HTT: variants seen among roughly 807,000 people sequenced by gnomAD.
The protein encoded by HTT is huntingtin, also known as huntington disease protein.
Under a neutral mutation model 362.3 loss-of-function variants are expected in HTT, and 104 were observed. That is an observed-to-expected ratio of 0.29 (90% CI 0.24 to 0.34). The LOEUF (loss-of-function observed/expected upper bound fraction) is 0.34, where lower values mean the gene tolerates loss of function less well. Among genes scored for constraint, HTT ranks in the 10% least tolerant of loss-of-function variants. The pLI is 1.00. For missense variants in HTT, 3,301 were observed against 3,928.6 expected (o/e 0.84, Z 4.27); for synonymous variants, 1,577 against 1,548.7 (o/e 1.02, Z -0.43).
chr4:3,173,087 C>A lies in HTT; in HGVS notation c.4122C>A (p.Ser1374Arg). The A allele has an allele frequency of 6.2e-7, 1 of 1,614,138 alleles. No individual in the cohort carries two copies. The highest frequency in any genetic ancestry group is 2.2e-5 in the East Asian group (1 of 44,886). Residue 1374 changes from serine to arginine, a missense_variant, in exon 31 of 67, where the codon AGC becomes AGA. Coordinates refer to ENST00000355072, the MANE Select transcript of HTT (RefSeq NM_001388492.1). ...TCACCCAGGCCCTCGCTGACGCCAG[C>A]CTGAGGAACATGGTGCAGGCGGAGC... ...THFTQALADA[S>R]LRNMVQAEQE...
At chr4:3,148,570 G>T (rs1046764750) in intron 26 of HTT, among the ~76,000 whole-genome samples, 2 of 152,036 alleles carry the variant, frequency 1.3e-5, no homozygotes, top group African/African-American at 4.8e-5. Flanking sequence ...GGCCGAGGTG[G>T]GCGGATCACG....
chr4:3,228,703 C>T lies in HTT; in HGVS notation c.7937C>T (p.Ala2646Val), dbSNP rs751016951. ...GAGGAAGAGGAGGAGGAGGCCGACG[C>T]CCCTGCACCTTCGTCACCACCCACG... ...WDEEEEEEAD[A>V]PAPSSPPTSP... is the part of the protein sequence containing the mutation. The change falls in exon 58 of 67, where the codon GCC becomes GTC. Residue 2646 changes from alanine to valine, a missense_variant. Ala to Val is a moderately conservative substitution (Grantham distance 64). Coordinates refer to ENST00000355072, the MANE Select transcript of HTT (RefSeq NM_001388492.1). This position sits in a 1 kb window ranked among gnomAD's most constrained non-coding sequence, Gnocchi z 4.3. 6.2e-7 allele frequency: 1 copy of T among 1,609,242 alleles called. No individual in the cohort carries two copies.
rs1560535090 is a variant in HTT at position 3,074,929 on chromosome 4, AGCAGCAACAG to A, written c.105_114del (p.Gln35HisfsTer63). On this transcript the variant is annotated frameshift_variant, in exon 1 of 67. Coordinates refer to ENST00000355072, the MANE Select transcript of HTT (RefSeq NM_001388492.1). LOFTEE classifies it high-confidence loss of function. Reference sequence around the variant, plus strand: ...CAGCAGCAGCAGCAGCAGCAGCAGCAGCAGCAACAGCCGCCACCGCCGCCGCCGCCGCCGC... The same window carrying A: ...CAGCAGCAGCAGCAGCAGCAGCAGCACCGCCACCGCCGCCGCCGCCGCCGC... 2.2e-5 allele frequency: 31 copies of A among 1,418,834 alleles called. No individual in the cohort carries two copies. In the African/African-American group the frequency reaches 4.1e-4, roughly 19 times the overall value. 87.9% of individuals were successfully genotyped at this position (1,418,834 alleles called of 1,614,324 possible). A position where few individuals can be genotyped will look rare whatever the true frequency, so the allele number is the denominator to read the frequency against.
chr4:3,214,177 C>G lies in HTT; in HGVS notation c.6952+42C>G, dbSNP rs748371654. ...GAACGGTGGGTTCCTATCATAGTTC[C>G]TGTCTGCTTCACCATGTTTTTATTT... On this transcript the variant is annotated intron_variant, in intron 50 of 66. Transcript: ENST00000355072. The G allele has an allele frequency of 8.1e-6, 11 of 1,364,748 alleles. No homozygotes were observed. In the East Asian group the frequency reaches 2.2e-4, roughly 27 times the overall value. The allele number at this position is 1,364,748 out of a possible 1,614,324, so 84.5% of individuals were successfully genotyped here.
chr4:3,176,409 G>C (rs959529637), intron 33 of HTT, among the ~76,000 whole-genome samples: 1 of 152,290 alleles, frequency 6.6e-6, no homozygotes, highest in East Asian at 1.9e-4. Flanking sequence ...CACAAAACCT[G>C]TCCGAAGAAA....
At chr4:3,188,565 C>T (rs987748375) in intron 39 of HTT, 7 of 179,210 alleles carry the variant, frequency 3.9e-5, no homozygotes, top group Non-Finnish European at 8.2e-5. Context: ...AGGAGATAAG[C>T]CCAGTAAGCC....
intron 38 of HTT, 62 bp from the exon 39 acceptor site, chr4:3,187,589 T>C: frequency 1.7e-6 from 2 of 1,207,844 alleles, no homozygotes; most frequent in Non-Finnish European, 1.2e-6. Flanking sequence ...AAATTGGCAA[T>C]TGGGGGAAAT....
chr4:3,219,181 C>A (rs536056076), intron 52 of HTT, among the ~76,000 whole-genome samples: 32 of 152,284 alleles, frequency 2.1e-4, no homozygotes, highest in Non-Finnish European at 2.6e-4. Context: ...GCCACACTTG[C>A]TGCATGGGGT....
intron 14 of HTT, among the ~76,000 whole-genome samples, chr4:3,130,742 C>T (rs1282014932): frequency 6.6e-6 from 1 of 152,234 alleles, no homozygotes; most frequent in Non-Finnish European, 1.5e-5. Context: ...TTTGGTTCTA[C>T]TGAACTGTTC....
chr4:3,219,944 G>C (rs1031025610), intron 52 of HTT, among the ~76,000 whole-genome samples: 1 of 152,150 alleles, frequency 6.6e-6, no homozygotes, highest in African/African-American at 2.4e-5. Flanking sequence ...TGTGCCAGCA[G>C]CCTCAGGATG....
intron 18 of HTT, among the ~76,000 whole-genome samples, chr4:3,133,781 T>G (rs1030678513): frequency 6.6e-6 from 1 of 152,174 alleles, no homozygotes; most frequent in African/African-American, 2.4e-5. Context: ...AACTCCCCCT[T>G]TTAAAATGTC....
chr4:3,186,838 CTTTTTTTTTTTT>C (rs1160738052), intron 38 of HTT, 119 bp downstream of exon 38: 4 of 250,920 alleles, frequency 1.6e-5, no homozygotes, highest in African/African-American at 8.3e-5. Flanking sequence ...TGAGAGTTTG[CTTTTTTTTTTTT>C]TTTTTTTTTT....
At chr4:3,087,107 G>C in intron 2 of HTT, 85 bp downstream of exon 2, 1 of 707,886 alleles carries the variant, frequency 1.4e-6, no homozygotes. Flanking sequence ...TTGTGTCCCA[G>C]CTATTTTAAA....
At chr4:3,210,989 G>A (rs1045502611) in intron 47 of HTT, among the ~76,000 whole-genome samples, 4 of 141,682 alleles carry the variant, frequency 2.8e-5, no homozygotes, top group Non-Finnish European at 6.0e-5. Context: ...TGCAACCTCC[G>A]CCTCCTGGGT....
intron 65 of HTT, 70 bp from the exon 66 acceptor site, chr4:3,238,748 C>A: frequency 8.5e-7 from 1 of 1,172,470 alleles, no homozygotes; most frequent in Non-Finnish European, 1.2e-6. Flanking sequence ...CCCACCCCCG[C>A]CACCCAGGCG....
intron 41 of HTT, among the ~76,000 whole-genome samples, chr4:3,202,720 A>C (rs2110265360): frequency 6.6e-6 from 1 of 152,276 alleles, no homozygotes; most frequent in African/African-American, 2.4e-5. Context: ...CCATAGAAAT[A>C]GAATCTATAG....
intron 27 of HTT, among the ~76,000 whole-genome samples, chr4:3,156,181 A>C (rs891090866): frequency 1.3e-5 from 2 of 152,098 alleles, no homozygotes; most frequent in African/African-American, 4.8e-5. Context: ...GTACCATGGC[A>C]CGATCTCATC....
At chr4:3,222,846 A>G (rs1158664953) in intron 54 of HTT, among the ~76,000 whole-genome samples, 1 of 152,150 alleles carries the variant, frequency 6.6e-6, no homozygotes, top group African/African-American at 2.4e-5. Flanking sequence ...ACCTGGTTTC[A>G]TTTTTCTAAT....
chr4:3,135,403 A>G (rs753540111), intron 19 of HTT, among the ~76,000 whole-genome samples: 1 of 149,290 alleles, frequency 6.7e-6, no homozygotes, highest in Non-Finnish European at 1.5e-5. Context: ...TTCTTTCAGT[A>G]CTTTCTTTTA....
Sources: gnomAD v4.1 joint callset for allele counts (sites outside exome capture counted in the v4.1 genomes callset) on GRCh38, gnomAD v4.1.1 for gene constraint, Gnocchi (gnomAD v3.1) non-coding constraint, MANE v1.5 for transcripts, NCBI Gene and HGNC (gene_info 2026-07-23, HGNC 2026-07-21) for gene names.